The following PARPBP variants were observed in gnomAD, a reference collection of about 807,000 sequenced individuals.
The protein encoded by PARPBP is PCNA-interacting partner.
A neutral mutation model predicts 50.0 loss-of-function variants in PARPBP; 52 were observed. That is an observed-to-expected ratio of 1.04 (90% CI 0.83 to 1.31). PARPBP has a LOEUF of 1.31. Among genes scored for constraint, PARPBP ranks in the 50% most tolerant of loss-of-function variants. The pLI is 0.00. For synonymous variants in PARPBP, 244 were observed against 232.1 expected (o/e 1.05, Z -0.47); for missense variants, 697 against 672.0 (o/e 1.04, Z -0.41).
chr12:102,151,460 T>A, intron 3 of PARPBP: 1 of 708,360 alleles, frequency 1.4e-6, no homozygotes, highest in Non-Finnish European at 2.4e-6. Context: ...AAATGGTCCT[T>A]AGTTGGAGCC....
intron 2 of PARPBP, among the ~76,000 whole-genome samples, chr12:102,132,617 A>G (rs1318336907): frequency 2.0e-5 from 3 of 152,110 alleles, no homozygotes; most frequent in Non-Finnish European, 2.9e-5. Context: ...ATTTTGCTCA[A>G]GATTGTTTTT....
At chr12:102,166,296 C>A (rs1888133947) in intron 6 of PARPBP, among the ~76,000 whole-genome samples, 1 of 151,868 alleles carries the variant, frequency 6.6e-6, no homozygotes, top group African/African-American at 2.4e-5. Flanking sequence ...TTTTCATTTT[C>A]TTATGTGCAA....
At chr12:102,142,422 G>A (rs1354291595) in intron 2 of PARPBP, among the ~76,000 whole-genome samples, 1 of 152,070 alleles carries the variant, frequency 6.6e-6, no homozygotes, top group Non-Finnish European at 1.5e-5. Context: ...CTTTGCAATG[G>A]GTTTAAACAT....
chr12:102,134,055 G>A (rs925469002), intron 2 of PARPBP, among the ~76,000 whole-genome samples: 3 of 150,992 alleles, frequency 2.0e-5, no homozygotes, highest in Non-Finnish European at 3.0e-5. Flanking sequence ...AAAGAAACTA[G>A]GAAAAGAACA....
intron 4 of PARPBP, among the ~76,000 whole-genome samples, chr12:102,160,578 A>G (rs1887456879): frequency 6.6e-6 from 1 of 152,244 alleles, no homozygotes; most frequent in Non-Finnish European, 1.5e-5. Flanking sequence ...TGAAGTTAAA[A>G]TGGAAACTCA....
At chr12:102,121,809 T>C (rs1369416470) in intron 1 of PARPBP, among the ~76,000 whole-genome samples, 1 of 152,160 alleles carries the variant, frequency 6.6e-6, no homozygotes, top group Non-Finnish European at 1.5e-5. Flanking sequence ...AGTGCTGGGA[T>C]TACAAGTGTG....
At chr12:102,146,816 C>T (rs1160111875) in intron 2 of PARPBP, among the ~76,000 whole-genome samples, 2 of 152,168 alleles carry the variant, frequency 1.3e-5, no homozygotes, top group Admixed American at 6.6e-5. Context: ...GCAACCTACT[C>T]ATCTGACAAA....
At position 102,181,951 on chromosome 12, in the gene PARPBP, A is replaced by G. The variant is rs146180009; in HGVS notation, c.1185-598A>G. Among the ~76,000 whole-genome samples, 16 of 152,222 alleles carry G rather than the reference A, an allele frequency of 1.1e-4. No individual in the cohort carries two copies. In the East Asian group the frequency reaches 2.1e-3, roughly 20 times the overall value. On this transcript the variant is annotated intron_variant, in intron 8 of 10. Coordinates refer to ENST00000327680, the MANE Select transcript of PARPBP (RefSeq NM_017915.5). ...AAAAAGTGCTCCCACAAACCCTTTC[A>G]TAACGGCACTAATCCTGTTCATGAA...
At chr12:102,184,907 A>G (rs1890168436) in intron 9 of PARPBP, among the ~76,000 whole-genome samples, 2 of 152,162 alleles carry the variant, frequency 1.3e-5, no homozygotes, top group Admixed American at 1.3e-4. Flanking sequence ...CTCTTTTGGC[A>G]TATAGTGGTT....
At chr12:102,150,278 CG>C in intron 3 of PARPBP, 1 of 453,922 alleles carries the variant, frequency 2.2e-6, no homozygotes, top group Non-Finnish European at 4.4e-6. Flanking sequence ...ATTTCCAGTG[CG>C]GGGAAAAAGT....
chr12:102,142,029 GC>G (rs1884683159), intron 2 of PARPBP, among the ~76,000 whole-genome samples: 1 of 152,104 alleles, frequency 6.6e-6, no homozygotes, highest in Admixed American at 6.5e-5. Context: ...TTGAATGTTG[GC>G]CTGCCCTGCT....
chr12:102,142,238 A>G (rs1467953357), intron 2 of PARPBP, among the ~76,000 whole-genome samples: 1 of 151,816 alleles, frequency 6.6e-6, no homozygotes, highest in Admixed American at 6.6e-5. Flanking sequence ...CATTAATTTG[A>G]TCTTCAATCA....
At chr12:102,148,642 TA>T in intron 3 of PARPBP, 179 bp downstream of exon 3, 1 of 447,516 alleles carries the variant, frequency 2.2e-6, no homozygotes, top group East Asian at 3.4e-5. Flanking sequence ...GATTTTGTGG[TA>T]AATTTTCTTG....
intron 2 of PARPBP, 59 bp downstream of exon 2, chr12:102,124,100 A>C: frequency 8.9e-7 from 1 of 1,126,268 alleles, no homozygotes; most frequent in Non-Finnish European, 1.3e-6. Flanking sequence ...ATTGCTGCCC[A>C]TTTGAATAAA....
At chr12:102,157,360 T>A (rs935648054) in intron 4 of PARPBP, among the ~76,000 whole-genome samples, 1 of 152,124 alleles carries the variant, frequency 6.6e-6, no homozygotes, top group Non-Finnish European at 1.5e-5. Context: ...AAAATATCAT[T>A]TACTAACTTC....
At chr12:102,140,570 G>C (rs2138088549) in intron 2 of PARPBP, among the ~76,000 whole-genome samples, 1 of 152,240 alleles carries the variant, frequency 6.6e-6, no homozygotes, top group Non-Finnish European at 1.5e-5. Context: ...TTTTAATTGT[G>C]ATGTTAGGGT....
At chr12:102,145,764 C>A (rs1047167098) in intron 2 of PARPBP, among the ~76,000 whole-genome samples, 15 of 152,134 alleles carry the variant, frequency 9.9e-5, no homozygotes, top group Non-Finnish European at 2.2e-4. Context: ...TTACTAACAT[C>A]TGACAACTTA....
At chr12:102,165,984 C>T (rs1485743963) in intron 6 of PARPBP, 101 bp downstream of exon 6, 1 of 743,158 alleles carries the variant, frequency 1.3e-6, no homozygotes, top group African/African-American at 1.8e-5. Flanking sequence ...AAGCATCAGA[C>T]CAAACGGTGA....
chr12:102,123,028 C>G (rs1430481920), intron 1 of PARPBP, among the ~76,000 whole-genome samples: 2 of 152,156 alleles, frequency 1.3e-5, no homozygotes, highest in African/African-American at 4.8e-5. Context: ...TGGTGATACT[C>G]TAGTGGTCAT....
Sources: gnomAD v4.1 joint callset for allele counts (sites outside exome capture counted in the v4.1 genomes callset) on GRCh38, gnomAD v4.1.1 for gene constraint, MANE v1.5 for transcripts, NCBI Gene and HGNC (gene_info 2026-07-23, HGNC 2026-07-21) for gene names.